PPP1R21: variants seen among roughly 807,000 people sequenced by gnomAD.
PPP1R21 encodes KLRAQ motif containing 1.
PPP1R21 carries 85 observed loss-of-function variants against 112.8 expected under a neutral mutation model. The ratio of observed to expected loss-of-function variants is 0.75; its 90% CI spans 0.63 to 0.90. PPP1R21 has a LOEUF of 0.90. PPP1R21 is among the 40% of genes least tolerant of loss of function. The probability of loss-of-function intolerance (pLI) is 0.00; values close to 1 mark genes in which losing one functional copy is unlikely to be tolerated. For missense variants in PPP1R21, 1,199 were observed against 901.5 expected (o/e 1.33, Z -4.23); for synonymous variants, 381 against 322.3 (o/e 1.18, Z -1.95).
intron 12 of PPP1R21, among the ~76,000 whole-genome samples, chr2:48,476,096 A>G (rs759158917): frequency 2.6e-5 from 4 of 152,108 alleles, no homozygotes; most frequent in African/African-American, 7.2e-5. Context: ...TATTTTAGCT[A>G]TTGCCCTCCC....
At chr2:48,476,228 T>G (rs1473601165) in intron 12 of PPP1R21, among the ~76,000 whole-genome samples, 1 of 152,222 alleles carries the variant, frequency 6.6e-6, no homozygotes, top group African/African-American at 2.4e-5. Context: ...TTTTCTGACT[T>G]CTTTCACTTA....
chr2:48,452,744 T>G (rs1465509394), intron 2 of PPP1R21, among the ~76,000 whole-genome samples: 1 of 152,090 alleles, frequency 6.6e-6, no homozygotes, highest in East Asian at 1.9e-4. Context: ...ATTTTTAAAA[T>G]TTGAAAGACA....
Position 48,495,707 on chromosome 2 carries a change from A to C in PPP1R21, c.1628A>C (p.Glu543Ala). ...CTCTTGGAGTCTGTGCCTTATGAAG[A>C]AGCACTGGCAAACCGCCGCATCCTT... ...KPLLESVPYEEALANRRILLS... is the reference protein window; with the variant it reads ...KPLLESVPYEAALANRRILLS... The change falls in exon 16 of 22, where the codon GAA (glutamate) becomes GCA (alanine). Residue 543 changes from glutamate to alanine, a missense_variant. Coordinates refer to ENST00000294952, the MANE Select transcript of PPP1R21 (RefSeq NM_001135629.3). The C allele has an allele frequency of 6.2e-7, 1 of 1,612,004 alleles. No homozygotes were observed. The highest frequency in any genetic ancestry group is 2.2e-5 in the East Asian group (1 of 44,870).
chr2:48,482,780 C>T (rs1212781196), intron 13 of PPP1R21, among the ~76,000 whole-genome samples: 1 of 151,190 alleles, frequency 6.6e-6, no homozygotes, highest in Non-Finnish European at 1.5e-5. Context: ...CTTTTTTTTC[C>T]CCTCAACTTT....
At chr2:48,482,139 G>T (rs1048675762) in intron 13 of PPP1R21, among the ~76,000 whole-genome samples, 10 of 152,190 alleles carry the variant, frequency 6.6e-5, no homozygotes, top group African/African-American at 2.2e-4. Flanking sequence ...GTTGGTCTCA[G>T]TGTAAACAGA....
intron 16 of PPP1R21, among the ~76,000 whole-genome samples, chr2:48,497,340 G>C (rs1669892945): frequency 6.6e-6 from 1 of 152,170 alleles, no homozygotes; most frequent in South Asian, 2.1e-4. Context: ...AAAACGATTT[G>C]AGAGTTTTTC....
At chr2:48,471,065 C>T (rs1470596014) in intron 9 of PPP1R21, 22 bp from the exon 10 acceptor site, 2 of 1,474,944 alleles carry the variant, frequency 1.4e-6, no homozygotes, top group Non-Finnish European at 1.9e-6. Context: ...ATTTAATTCA[C>T]AATACTTTCC....
intron 9 of PPP1R21, among the ~76,000 whole-genome samples, chr2:48,468,297 G>A (rs1330595996): frequency 2.6e-5 from 4 of 152,100 alleles, no homozygotes; most frequent in Non-Finnish European, 5.9e-5. Flanking sequence ...GATCATCATC[G>A]TTATGTCTTA....
intron 17 of PPP1R21, among the ~76,000 whole-genome samples, chr2:48,502,568 G>A (rs1016630210): frequency 4.0e-5 from 6 of 151,722 alleles, no homozygotes; most frequent in African/African-American, 1.5e-4. Flanking sequence ...GAGCAAGTAT[G>A]TGCCCATTTC....
At chr2:48,484,764 C>T (rs1287092293) in intron 13 of PPP1R21, among the ~76,000 whole-genome samples, 1 of 152,178 alleles carries the variant, frequency 6.6e-6, no homozygotes, top group Non-Finnish European at 1.5e-5. Flanking sequence ...GATCTGCCCA[C>T]GTCGGTCTCC....
intron 3 of PPP1R21, among the ~76,000 whole-genome samples, chr2:48,456,480 C>CT (rs1421110697): frequency 6.6e-6 from 1 of 152,120 alleles, no homozygotes. Flanking sequence ...AAATCTGTGA[C>CT]TTTCGGCACA....
intron 14 of PPP1R21, among the ~76,000 whole-genome samples, chr2:48,489,935 C>G (rs1296929419): frequency 7.9e-5 from 12 of 152,122 alleles, no homozygotes; most frequent in Non-Finnish European, 1.6e-4. Context: ...ATCCCAGCTA[C>G]TGGGACAGCT....
chr2:48,479,617 A>G (rs754415131), intron 12 of PPP1R21: 7 of 559,082 alleles, frequency 1.3e-5, no homozygotes, highest in South Asian at 6.2e-5. Context: ...TGCATTATAT[A>G]ATAACAAGGT....
intron 13 of PPP1R21, among the ~76,000 whole-genome samples, 153 bp from the exon 14 acceptor site, chr2:48,486,478 T>C (rs1572873779): frequency 6.6e-6 from 1 of 152,206 alleles, no homozygotes; most frequent in African/African-American, 2.4e-5. Flanking sequence ...TGTGACCTAA[T>C]TGATACTCAG....
At chr2:48,467,038 A>G (rs1668236795) in intron 9 of PPP1R21, among the ~76,000 whole-genome samples, 1 of 152,128 alleles carries the variant, frequency 6.6e-6, no homozygotes, top group Non-Finnish European at 1.5e-5. Context: ...TCTCTCCCTG[A>G]TTGTACTCAC....
intron 3 of PPP1R21, among the ~76,000 whole-genome samples, chr2:48,455,838 C>A (rs1233274929): frequency 1.3e-5 from 2 of 151,798 alleles, no homozygotes; most frequent in Non-Finnish European, 2.9e-5. Flanking sequence ...CATGGTGAAA[C>A]CTTGTCTCTA....
In PPP1R21 at chr2:48,454,738, C is replaced by T; in HGVS notation, c.270C>T (p.Asn90=). The part of the protein sequence containing the change: ...LALSEPRGKK[N]KKSGESSSQL... ...TAAGTGAACCACGAGGCAAGAAAAA[C>T]AAGGTAGGTTCAAATACAGGCAAGT... The change falls in exon 3 of 22, where the codon AAC becomes AAT. Residue 90 remains asparagine, a synonymous_variant. Transcript: ENST00000294952. 1.9e-6 allele frequency: 3 copies of T among 1,613,252 alleles called. No individual in the cohort carries two copies. The highest frequency in any genetic ancestry group is 2.5e-6 in the Non-Finnish European group (3 of 1,179,174).
intron 2 of PPP1R21, among the ~76,000 whole-genome samples, chr2:48,454,251 A>G (rs1394329032): frequency 6.6e-6 from 1 of 150,870 alleles, no homozygotes; most frequent in Non-Finnish European, 1.5e-5. Context: ...ATAGAGCGAG[A>G]CTCTGTCTCA....
chr2:48,464,286 G>A (rs1375732680), intron 7 of PPP1R21, among the ~76,000 whole-genome samples: 1 of 152,134 alleles, frequency 6.6e-6, no homozygotes, highest in African/African-American at 2.4e-5. Context: ...TTGGCACTGG[G>A]GTCATTCTGA....
Sources: gnomAD v4.1 joint callset for allele counts (sites outside exome capture counted in the v4.1 genomes callset) on GRCh38, gnomAD v4.1.1 for gene constraint, MANE v1.5 for transcripts, NCBI Gene and HGNC (gene_info 2026-07-23, HGNC 2026-07-21) for gene names.